Variants in MTX2 observed in about 807,000 individuals in gnomAD.
MTX2 encodes metaxin 2, also known as metaxin-2.
MTX2 carries 35 observed loss-of-function variants against 42.3 expected under a neutral mutation model. That is an observed-to-expected ratio of 0.83 (90% CI 0.63 to 1.10). MTX2 has a LOEUF of 1.10. MTX2 is among the 50% of genes least tolerant of loss of function. The pLI, the probability that MTX2 is intolerant of heterozygous loss-of-function variation, is 0.00. For synonymous variants in MTX2, 119 were observed against 100.9 expected (o/e 1.18, Z -1.08); for missense variants, 307 against 304.1 (o/e 1.01, Z -0.07).
chr2:176,331,469 T>C (rs1324192329), intron 9 of MTX2, among the ~76,000 whole-genome samples: 1 of 151,174 alleles, frequency 6.6e-6, no homozygotes, highest in Non-Finnish European at 1.5e-5. Flanking sequence ...TTATGTGTTA[T>C]ATCGTCATAA....
chr2:176,283,783 AC>A (rs1693133091), intron 1 of MTX2, among the ~76,000 whole-genome samples: 1 of 152,164 alleles, frequency 6.6e-6, no homozygotes, highest in African/African-American at 2.4e-5. Flanking sequence ...GAACCATTAA[AC>A]TATTGCACTG....
chr2:176,281,834 T>C lies in MTX2; in HGVS notation c.40+12165T>C, dbSNP rs140373659. ...TGGTTTTGTACGTTGTAATTAGTTATCTATGGAACTCTCTAAAGCTAGTGA... is the reference window on the plus strand; with the variant it reads ...TGGTTTTGTACGTTGTAATTAGTTACCTATGGAACTCTCTAAAGCTAGTGA... On this transcript the variant is annotated intron_variant, in intron 1 of 9. Transcript: ENST00000249442. Among the ~76,000 whole-genome samples, 476 of 152,218 alleles carry C rather than the reference T, an allele frequency of 3.1e-3. 2 individuals are homozygous for C. Among genetic ancestry groups the C allele is most frequent in the African/African-American group, 0.011 (446 of 41,536 alleles).
chr2:176,307,807 A>G (rs1684189846), intron 3 of MTX2, among the ~76,000 whole-genome samples: 1 of 152,094 alleles, frequency 6.6e-6, no homozygotes, highest in East Asian at 1.9e-4. Context: ...GGCTGAGACG[A>G]TGGGGTTTTC....
intron 1 of MTX2, among the ~76,000 whole-genome samples, chr2:176,282,126 G>GTTTTTTTTTTTTTTTTT (rs71004264): frequency 2.6e-4 from 7 of 26,426 alleles, no homozygotes; most frequent in African/African-American, 6.5e-4. Flanking sequence ...AGTTACAGTA[G>GTTTTTTTTTTTTTTTTT]TTTTTTTTTT....
intron 1 of MTX2, among the ~76,000 whole-genome samples, chr2:176,289,494 T>C (rs1002601102): frequency 3.3e-5 from 5 of 152,114 alleles, no homozygotes; most frequent in African/African-American, 1.2e-4. Flanking sequence ...ACTGGACTTT[T>C]AATAACTAAT....
intron 1 of MTX2, among the ~76,000 whole-genome samples, chr2:176,277,845 CAT>C (rs1320956493): frequency 1.3e-5 from 2 of 151,292 alleles, no homozygotes; most frequent in East Asian, 1.9e-4. Context: ...AAAAAAAAAA[CAT>C]ATTAGTCATA....
chr2:176,302,488 G>GT (rs1395307561), intron 3 of MTX2, among the ~76,000 whole-genome samples: 1 of 152,096 alleles, frequency 6.6e-6, no homozygotes, highest in Non-Finnish European at 1.5e-5. Flanking sequence ...CCAGGCTGGA[G>GT]TGCAGTGGCG....
chr2:176,311,408 G>C (rs190281694), intron 3 of MTX2, among the ~76,000 whole-genome samples: 1 of 152,346 alleles, frequency 6.6e-6, no homozygotes, highest in African/African-American at 2.4e-5. Context: ...CTCAAACGCT[G>C]TGGTGGGAGA....
intron 1 of MTX2, among the ~76,000 whole-genome samples, chr2:176,272,747 G>A (rs1692853509): frequency 6.6e-6 from 1 of 152,080 alleles, no homozygotes; most frequent in Non-Finnish European, 1.5e-5. Context: ...TCAACTAATT[G>A]TAACTAGCGA....
chr2:176,313,627 A>G lies in MTX2; in HGVS notation c.136-9765A>G, dbSNP rs536429863. On this transcript the variant is annotated intron_variant, in intron 3 of 9. Coordinates refer to ENST00000249442, the MANE Select transcript of MTX2 (RefSeq NM_006554.5). ...CAGCTGGTCTTGAGCTCCTGACCTC[A>G]AATAATCCACCCGCCTTGACCTCCC... is the stretch of plus-strand genomic sequence containing the variant. 2.2e-3 allele frequency among the ~76,000 whole-genome samples: 336 copies of G among 152,096 alleles called. 4 individuals are homozygous for G. Among genetic ancestry groups the G allele is most frequent in the African/African-American group, 7.9e-3 (327 of 41,504 alleles).
chr2:176,270,876 G>T (rs2105388925), intron 1 of MTX2, among the ~76,000 whole-genome samples: 1 of 152,066 alleles, frequency 6.6e-6, no homozygotes, highest in Non-Finnish European at 1.5e-5. Context: ...CTAATCTTGA[G>T]ATTTCAAGCA....
chr2:176,297,903 T>C lies in MTX2; in HGVS notation c.135+8T>C, dbSNP rs1255426356. The C allele has an allele frequency of 5.8e-6, 9 of 1,543,742 alleles. No individual in the cohort carries two copies. Among genetic ancestry groups the C allele is most frequent in the East Asian group, 4.7e-5 (2 of 42,392 alleles). On this transcript the variant is annotated splice_region_variant and intron_variant, in intron 3 of 9. Transcript: ENST00000249442. ...GCTTCTCTTGCAGTGCAGGTAAATA[T>C]GTAAATAATGTAATATCTTTTTCAC...
chr2:176,328,686 T>C (rs1333761922), intron 6 of MTX2, among the ~76,000 whole-genome samples, 188 bp from the exon 7 acceptor site: 1 of 151,326 alleles, frequency 6.6e-6, no homozygotes, highest in African/African-American at 2.4e-5. Context: ...ACATGTATTG[T>C]GTGAATAAAA....
intron 7 of MTX2, 38 bp from the exon 8 acceptor site, chr2:176,329,263 G>A (rs1684796390): frequency 6.5e-7 from 1 of 1,549,192 alleles, no homozygotes; most frequent in African/African-American, 1.4e-5. Context: ...ATTGTTTTTA[G>A]GAAGGATCAC....
At position 176,324,751 on chromosome 2, in the gene MTX2, G is replaced by A. The variant is rs573804436; in HGVS notation, c.208+1287G>A. On this transcript the variant is annotated intron_variant, in intron 4 of 9. Transcript: ENST00000249442. The stretch of plus-strand genomic sequence containing the variant: ...ACCTATTTTCTTTTTATTAGATTGC[G>A]CGAAAGACAAACATAAATATTCTAG... Among the ~76,000 whole-genome samples, 90 of 151,558 alleles carry A rather than the reference G, an allele frequency of 5.9e-4. 1 individual carries two copies. The highest frequency in any genetic ancestry group is 1.8e-3 in the African/African-American group (76 of 41,462).
intron 1 of MTX2, among the ~76,000 whole-genome samples, chr2:176,295,001 T>A (rs951979110): frequency 6.6e-6 from 1 of 152,222 alleles, no homozygotes; most frequent in Non-Finnish European, 1.5e-5. Context: ...GATGATAATA[T>A]TGAGTAAAAC....
At chr2:176,306,822 G>T (rs1391163353) in intron 3 of MTX2, among the ~76,000 whole-genome samples, 1 of 151,882 alleles carries the variant, frequency 6.6e-6, no homozygotes, top group African/African-American at 2.4e-5. Context: ...TTGTCGGATG[G>T]GTAGTTTGCA....
At chr2:176,282,182 T>C (rs1049736451) in intron 1 of MTX2, among the ~76,000 whole-genome samples, 2 of 135,050 alleles carry the variant, frequency 1.5e-5, no homozygotes, top group African/African-American at 5.4e-5. Context: ...AGGCTTTAGA[T>C]AGCAAAAGAC....
intron 4 of MTX2, among the ~76,000 whole-genome samples, chr2:176,325,233 AT>A (rs1684681021): frequency 6.6e-6 from 1 of 151,718 alleles, no homozygotes; most frequent in Non-Finnish European, 1.5e-5. Flanking sequence ...TTTAAAAGTG[AT>A]TATTCTGTCT....
Sources: allele counts gnomAD v4.1 joint callset (sites outside exome capture counted in the v4.1 genomes callset), GRCh38; gene constraint gnomAD v4.1.1; transcripts MANE v1.5; gene names NCBI Gene and HGNC (gene_info 2026-07-23, HGNC 2026-07-21).